Variants in DPP6 observed in about 807,000 individuals in gnomAD.
The protein encoded by DPP6 is dipeptidyl peptidase like 6, also known as A-type potassium channel modulatory protein DPP6.
DPP6 carries 69 observed loss-of-function variants against 122.6 expected under a neutral mutation model. That is an observed-to-expected ratio of 0.56 (90% confidence interval 0.46 to 0.69). The LOEUF is 0.69. DPP6 is among the 30% of genes least tolerant of loss of function. The pLI is 0.00. For synonymous variants in DPP6, 418 were observed against 433.1 expected (o/e 0.97, Z 0.43); for missense variants, 928 against 1,116.9 (o/e 0.83, Z 2.41).
At chr7:154,264,627 T>G (rs905565011) in intron 1 of DPP6, among the ~76,000 whole-genome samples, 1 of 152,130 alleles carries the variant, frequency 6.6e-6, no homozygotes, top group African/African-American at 2.4e-5. Context: ...GTGATGGTGA[T>G]GATGATGTTA....
chr7:154,416,266 C>T (rs1304578972), intron 1 of DPP6, among the ~76,000 whole-genome samples: 1 of 152,082 alleles, frequency 6.6e-6, no homozygotes, highest in Non-Finnish European at 1.5e-5. Flanking sequence ...CATCATCATG[C>T]CGATGATTCA....
At chr7:153,929,400 T>G (rs1801071409) in intron 1 of DPP6, among the ~76,000 whole-genome samples, 1 of 151,790 alleles carries the variant, frequency 6.6e-6, no homozygotes, top group East Asian at 1.9e-4. Context: ...GAGAAGCGGT[T>G]TGGGGTTGAA....
At chr7:154,881,952 G>A (rs1422141220) in intron 21 of DPP6, among the ~76,000 whole-genome samples, 1 of 152,188 alleles carries the variant, frequency 6.6e-6, no homozygotes, top group Admixed American at 6.5e-5. Context: ...TGTAACTTGG[G>A]TGTCAATAGC....
At chr7:154,571,315 A>G (rs990480137) in intron 5 of DPP6, among the ~76,000 whole-genome samples, 1 of 152,192 alleles carries the variant, frequency 6.6e-6, no homozygotes, top group African/African-American at 2.4e-5. Flanking sequence ...AGAATGTAAA[A>G]TGCATTATCT....
At chr7:154,876,201 C>T in intron 20 of DPP6, 101 bp downstream of exon 20, 1 of 1,385,202 alleles carries the variant, frequency 7.2e-7, no homozygotes, top group Admixed American at 3.1e-5. Flanking sequence ...TCTCCACGCA[C>T]ACATTTTTCA....
chr7:153,871,097 A>G, the DPP6 span, among the ~76,000 whole-genome samples: 1 of 152,208 alleles, frequency 6.6e-6, no homozygotes, highest in East Asian at 1.9e-4. Context: ...TTCGGGGGTC[A>G]GGAACCCACG....
At chr7:154,061,110 C>A (rs1169059151) in intron 1 of DPP6, among the ~76,000 whole-genome samples, 2 of 148,404 alleles carry the variant, frequency 1.3e-5, no homozygotes, top group Non-Finnish European at 3.0e-5. Context: ...TATTTGCAAT[C>A]TACCGGAAAT....
intron 1 of DPP6, among the ~76,000 whole-genome samples, chr7:154,405,252 G>T (rs1168870735): frequency 6.6e-6 from 1 of 152,020 alleles, no homozygotes; most frequent in Non-Finnish European, 1.5e-5. Context: ...AGATCTTCAG[G>T]TCCAGATCCA....
intron 1 of DPP6, among the ~76,000 whole-genome samples, chr7:154,017,460 G>A (rs1054214120): frequency 5.3e-5 from 8 of 152,008 alleles, no homozygotes; most frequent in African/African-American, 1.9e-4. Context: ...AGCACTTTGG[G>A]AGGCTGAGGA....
intron 1 of DPP6, among the ~76,000 whole-genome samples, chr7:154,338,334 T>C (rs1809612834): frequency 6.6e-6 from 1 of 152,054 alleles, no homozygotes; most frequent in African/African-American, 2.4e-5. Context: ...AGAGATATCT[T>C]AATATGAAAG....
At chr7:154,640,655 C>T (rs35213459) in intron 6 of DPP6, among the ~76,000 whole-genome samples, 38,840 of 151,974 alleles carry the variant, frequency 0.26, 5,015 homozygotes, top group Non-Finnish European at 0.26. Context: ...TCACTGTCAC[C>T]GGTGTGCGTG....
chr7:154,435,908 C>T (rs1552732), intron 1 of DPP6, among the ~76,000 whole-genome samples: 4 of 152,108 alleles, frequency 2.6e-5, no homozygotes, highest in Non-Finnish European at 5.9e-5. Context: ...ATGTATGTGT[C>T]GTTTATTTTC....
At chr7:154,114,766 C>G (rs184026797) in intron 1 of DPP6, among the ~76,000 whole-genome samples, 1 of 152,284 alleles carries the variant, frequency 6.6e-6, no homozygotes, top group Admixed American at 6.5e-5. Context: ...TGGAAGTGTT[C>G]CAACCTGCAC....
rs1476784030 is a variant in DPP6, at chr7:154,587,773, T to C, written c.627+20857T>C. On this transcript the variant is annotated intron_variant, in intron 5 of 25. Coordinates refer to ENST00000377770, the MANE Select transcript of DPP6 (RefSeq NM_130797.4). ...CTGTTTTCTTCATTACATCACCATGTCTCTTCCTCTTCACTGCCTGCGTGA... is the reference window on the plus strand; with the variant it reads ...CTGTTTTCTTCATTACATCACCATGCCTCTTCCTCTTCACTGCCTGCGTGA... The C allele has an allele frequency of 2.5e-6, 4 of 1,605,168 alleles. 1 individual carries two copies. In the South Asian group the frequency reaches 4.4e-5, roughly 18 times the overall value.
intron 1 of DPP6, among the ~76,000 whole-genome samples, chr7:153,942,424 A>G (rs1388132050): frequency 6.6e-6 from 1 of 152,168 alleles, no homozygotes; most frequent in Non-Finnish European, 1.5e-5. Flanking sequence ...TGAGATCTTG[A>G]GGGTGTGGAC....
intron 1 of DPP6, among the ~76,000 whole-genome samples, chr7:154,222,068 A>T (rs1210212263): frequency 6.6e-6 from 1 of 152,140 alleles, no homozygotes; most frequent in Non-Finnish European, 1.5e-5. Flanking sequence ...TCTGCTTCAC[A>T]TGCCTGGTTT....
In DPP6 at chr7:154,651,522, A is replaced by C. The variant is rs190543984; in HGVS notation, c.680+13649A>C. On this transcript the variant is annotated intron_variant, in intron 6 of 25. Coordinates refer to ENST00000377770, the MANE Select transcript of DPP6 (RefSeq NM_130797.4). ...CAAGCAGTTAGCTGTTAATGATACG[A>C]GCACCATGCCGGAGCTAGGGCCAAA... 4.6e-5 allele frequency among the ~76,000 whole-genome samples: 7 copies of C among 152,214 alleles called. No individual in the cohort carries two copies. In the East Asian group the frequency reaches 7.7e-4, roughly 17 times the overall value.
intron 2 of DPP6, among the ~76,000 whole-genome samples, chr7:154,448,162 A>G (rs1820047855): frequency 6.6e-6 from 1 of 152,220 alleles, no homozygotes; most frequent in Non-Finnish European, 1.5e-5. Flanking sequence ...AGAAGACATA[A>G]TGTTGTATAT....
chr7:153,992,299 A>G (rs1320939182), intron 1 of DPP6, among the ~76,000 whole-genome samples: 1 of 152,186 alleles, frequency 6.6e-6, no homozygotes, highest in Non-Finnish European at 1.5e-5. Flanking sequence ...TTTATCAACA[A>G]TAACTTACTT....
Sources: allele counts gnomAD v4.1 joint callset (sites outside exome capture counted in the v4.1 genomes callset), GRCh38; gene constraint gnomAD v4.1.1; transcripts MANE v1.5; gene names NCBI Gene and HGNC (gene_info 2026-07-23, HGNC 2026-07-21).